The following RFX3 variants were observed in gnomAD, a reference collection of about 807,000 sequenced individuals.
RFX3 encodes transcription factor RFX3.
RFX3 carries 14 observed loss-of-function variants against 98.6 expected under a neutral mutation model. The observed-to-expected ratio is 0.14, with a 90% CI of 0.09 to 0.22. RFX3 has a LOEUF of 0.22. RFX3 is among the 10% of genes least tolerant of loss of function. RFX3 has a pLI of 1.00. For synonymous variants in RFX3, 383 were observed against 328.4 expected, an observed-to-expected ratio of 1.17 and a Z score of -1.80; for missense variants, 639 against 926.9, an observed-to-expected ratio of 0.69 and a Z score of 4.03.
rs1850231844 is a variant in RFX3 at position 3,485,964 on chromosome 9, A to C, written c.-9+39783T>G. Among the ~76,000 whole-genome samples, 6 of 152,072 alleles carry C rather than the reference A, an allele frequency of 3.9e-5. 1 individual carries two copies. The South Asian group carries it at 1.2e-3, about 32-fold the overall frequency. On this transcript the variant is annotated intron_variant, in intron 1 of 16. Transcript: ENST00000617270. ...ACGTGGAGAAACCCTGTCTCCACTAAAAATACAAAATTAGCCAGGCATGGT... is the reference window on the plus strand; with the variant it reads ...ACGTGGAGAAACCCTGTCTCCACTACAAATACAAAATTAGCCAGGCATGGT...
chr9:3,486,864 T>C (rs989805623), intron 1 of RFX3, among the ~76,000 whole-genome samples: 3 of 152,178 alleles, frequency 2.0e-5, no homozygotes, highest in Admixed American at 6.5e-5. Flanking sequence ...AGTAATTTCA[T>C]AGACTGTTAC....
intron 1 of RFX3, among the ~76,000 whole-genome samples, chr9:3,515,145 G>A (rs1818030985): frequency 6.6e-6 from 1 of 152,106 alleles, no homozygotes; most frequent in South Asian, 2.1e-4. Context: ...ACATAAAGAG[G>A]TAGATTTAAG....
At chr9:3,350,483 G>C (rs931895479) in intron 2 of RFX3, among the ~76,000 whole-genome samples, 6 of 152,120 alleles carry the variant, frequency 3.9e-5, no homozygotes, top group African/African-American at 1.4e-4. Flanking sequence ...GAAAATGGTA[G>C]ACACTTGGGA....
At chr9:3,405,896 C>G (rs1841921936) in intron 1 of RFX3, among the ~76,000 whole-genome samples, 1 of 152,140 alleles carries the variant, frequency 6.6e-6, no homozygotes, top group African/African-American at 2.4e-5. Context: ...AGTTTATATA[C>G]AATCCAGCCT....
intron 4 of RFX3, among the ~76,000 whole-genome samples, chr9:3,314,105 T>C (rs575614687): frequency 5.9e-5 from 9 of 152,150 alleles, no homozygotes; most frequent in Admixed American, 5.9e-4. Context: ...GGAAAAAATA[T>C]TAAGGGCAGC....
intron 1 of RFX3, among the ~76,000 whole-genome samples, chr9:3,436,964 T>A (rs1458514310): frequency 6.6e-6 from 1 of 152,040 alleles, no homozygotes; most frequent in South Asian, 2.1e-4. Flanking sequence ...AAAAAATTGC[T>A]CATTGAGTAA....
intron 1 of RFX3, among the ~76,000 whole-genome samples, chr9:3,525,414 C>A (rs920825225): frequency 6.6e-6 from 1 of 152,200 alleles, no homozygotes; most frequent in African/African-American, 2.4e-5. Context: ...ATCCAGCATC[C>A]GCATCGGAAA....
chr9:3,317,438 C>T (rs1482813513), intron 4 of RFX3, among the ~76,000 whole-genome samples: 2 of 152,162 alleles, frequency 1.3e-5, no homozygotes, highest in African/African-American at 2.4e-5. Flanking sequence ...CTAGGCAATA[C>T]CATTCAGGAC....
chr9:3,368,173 CTAAGAAATAT>C (rs1339064308), intron 2 of RFX3, among the ~76,000 whole-genome samples: 3 of 152,030 alleles, frequency 2.0e-5, no homozygotes, highest in African/African-American at 7.2e-5. Flanking sequence ...TTATCATACT[CTAAGAAATAT>C]TACTCTGAAA....
intron 4 of RFX3, among the ~76,000 whole-genome samples, chr9:3,312,540 G>A (rs1324643880): frequency 2.0e-5 from 3 of 151,272 alleles, no homozygotes; most frequent in Non-Finnish European, 4.4e-5. Flanking sequence ...TTAACTGAGA[G>A]ATTCGGGATA....
chr9:3,271,803 C>T (rs1026209395), intron 9 of RFX3, among the ~76,000 whole-genome samples: 1 of 152,188 alleles, frequency 6.6e-6, no homozygotes. Flanking sequence ...ACAGGTTCCA[C>T]TGTGTTCCCA....
intron 2 of RFX3, among the ~76,000 whole-genome samples, chr9:3,353,802 A>T (rs1835432388): frequency 6.6e-6 from 1 of 152,104 alleles, no homozygotes; most frequent in East Asian, 1.9e-4. Flanking sequence ...AAAATTAGAC[A>T]TATAAAGAAG....
chr9:3,406,568 A>G (rs548155076), intron 1 of RFX3, among the ~76,000 whole-genome samples: 4 of 152,120 alleles, frequency 2.6e-5, no homozygotes, highest in Non-Finnish European at 5.9e-5. Context: ...TTTCACTTAC[A>G]TATGTAGCCA....
chr9:3,386,261 A>AT (rs924108374), intron 2 of RFX3, among the ~76,000 whole-genome samples: 1 of 151,600 alleles, frequency 6.6e-6, no homozygotes, highest in Non-Finnish European at 1.5e-5. Flanking sequence ...AAAACTCCAA[A>AT]TTTTTTTTTA....
At chr9:3,265,050 G>A (rs1823438533) in intron 12 of RFX3, among the ~76,000 whole-genome samples, 1 of 147,524 alleles carries the variant, frequency 6.8e-6, no homozygotes. Context: ...CACTGCCAAA[G>A]AGAACTCTCT....
chr9:3,291,945 T>C (rs2920360), intron 6 of RFX3, among the ~76,000 whole-genome samples: 17,155 of 151,012 alleles, frequency 0.11, 2,687 homozygotes, highest in African/African-American at 0.36. Context: ...TAGTCTCAGC[T>C]ACTTGGGAGG....
intron 4 of RFX3, among the ~76,000 whole-genome samples, chr9:3,329,429 C>A (rs2991313): frequency 0.27 from 29,001 of 106,430 alleles, 4,728 homozygotes; most frequent in African/African-American, 0.56. Flanking sequence ...AAAAAAAAAA[C>A]AAAAAACCAC....
At chr9:3,427,179 C>G (rs574424326) in intron 1 of RFX3, among the ~76,000 whole-genome samples, 1 of 146,368 alleles carries the variant, frequency 6.8e-6, no homozygotes, top group Non-Finnish European at 1.5e-5. Context: ...TTCTTTTGCA[C>G]GTGCAGTAAC....
intron 15 of RFX3, among the ~76,000 whole-genome samples, chr9:3,231,815 G>C (rs1461528460): frequency 3.3e-5 from 5 of 152,058 alleles, no homozygotes; most frequent in African/African-American, 1.2e-4. Flanking sequence ...TATAATCCCA[G>C]CACTTTGGGA....
Sources: gnomAD v4.1 joint callset for allele counts (sites outside exome capture counted in the v4.1 genomes callset) on GRCh38, gnomAD v4.1.1 for gene constraint, MANE v1.5 for transcripts, NCBI Gene and HGNC (gene_info 2026-07-23, HGNC 2026-07-21) for gene names.